Variants in TRAT1 observed in about 807,000 individuals in gnomAD.
TRAT1 encodes the protein T-cell receptor-associated transmembrane adapter 1.
Under a neutral mutation model 20.0 loss-of-function variants are expected in TRAT1, and 20 were observed. The ratio of observed to expected loss-of-function variants is 1.00; its 90% CI spans 0.70 to 1.45. The LOEUF is 1.45. Ranked by LOEUF, TRAT1 falls within the 40% of genes most tolerant of loss-of-function variation. The pLI is 0.00. For missense variants in TRAT1, 237 were observed against 224.1 expected (o/e 1.06, Z -0.37); for synonymous variants, 77 against 74.2 (o/e 1.04, Z -0.20).
chr3:108,853,165 CT>C (rs1262293741), intron 5 of TRAT1, among the ~76,000 whole-genome samples: 1 of 152,152 alleles, frequency 6.6e-6, no homozygotes, highest in Non-Finnish European at 1.5e-5. Context: ...AAACTGGGGA[CT>C]TTTGTGGTAC....
chr3:108,852,690 C>T (rs1946008153), intron 5 of TRAT1, among the ~76,000 whole-genome samples: 1 of 152,156 alleles, frequency 6.6e-6, no homozygotes, highest in Admixed American at 6.5e-5. Flanking sequence ...TATAGTGCTA[C>T]CTTACTTTTG....
rs1946023382 is a variant in TRAT1 at position 108,853,973 on chromosome 3, G to C, written c.*96G>C. On this transcript the variant is annotated 3_prime_UTR_variant, in exon 6 of 6. Coordinates refer to ENST00000295756, the MANE Select transcript of TRAT1 (RefSeq NM_016388.4). ...GGACACAGAAGGACTTGGCAGCAGG[G>C]TGATGACCTGATCATTTGTTGATGG... 1 of 1,176,362 alleles carries C rather than the reference G, an allele frequency of 8.5e-7. No homozygotes were observed. The highest frequency in any genetic ancestry group is 1.2e-6 in the Non-Finnish European group (1 of 814,002). The allele number at this position is 1,176,362 out of a possible 1,614,324, so 72.9% of individuals were successfully genotyped here.
Position 108,853,924 on chromosome 3 carries a change from T to G in TRAT1, c.*47T>G, listed in dbSNP as rs1380931562. The G allele has an allele frequency of 1.9e-6, 3 of 1,589,328 alleles. No homozygotes were observed. The African/African-American group carries it at 4.0e-5, about 21-fold the overall frequency. ...TGATTTGGCTCCTATTGAAGATGGC[T>G]TCTAAGAAAACAAGATGCACAGAGG... On this transcript the variant is annotated 3_prime_UTR_variant, in exon 6 of 6. Transcript: ENST00000295756.
chr3:108,830,678 G>A lies in TRAT1; in HGVS notation c.16G>A (p.Gly6Arg), dbSNP rs1468594673. The A allele has an allele frequency of 6.2e-7, 1 of 1,608,868 alleles. No homozygotes were observed. The highest frequency in any genetic ancestry group is 1.1e-5 in the South Asian group (1 of 90,954). The part of the protein sequence containing the change: MSGIS[G>R]CPFFLWGLLA... ...TTTATTTTAATTTCCAGGAATCTCT[G>A]GGTGCCCCTTTTTCCTCTGGGGACT... Residue 6 changes from glycine to arginine, a missense_variant, in exon 2 of 6, where the codon GGG becomes AGG. Gly to Arg is a moderately radical substitution (Grantham distance 125). Coordinates refer to ENST00000295756, the MANE Select transcript of TRAT1 (RefSeq NM_016388.4).
chr3:108,846,130 C>T (rs1207901963), intron 3 of TRAT1, among the ~76,000 whole-genome samples: 2 of 152,154 alleles, frequency 1.3e-5, no homozygotes, highest in Non-Finnish European at 2.9e-5. Flanking sequence ...GGACTGAGCA[C>T]GGGGCTTTAC....
chr3:108,846,282 T>G (rs1456339629), intron 3 of TRAT1, among the ~76,000 whole-genome samples: 1 of 152,194 alleles, frequency 6.6e-6, no homozygotes, highest in Non-Finnish European at 1.5e-5. Flanking sequence ...TCCTGAGGGT[T>G]GAATGAGCAC....
chr3:108,825,585 A>C (rs1047884812), intron 1 of TRAT1, among the ~76,000 whole-genome samples: 1 of 152,178 alleles, frequency 6.6e-6, no homozygotes, highest in Non-Finnish European at 1.5e-5. Flanking sequence ...TTCTCCATTT[A>C]ATTTAGGTAA....
rs1178637475 is a variant in TRAT1, at chr3:108,854,094, C to T, written c.*217C>T. The stretch of plus-strand genomic sequence containing the variant: ...TTCAAATAACTTAAAAAATGCTTTA[C>T]TACTAAAATGTAAAAAATTAATGTG... On this transcript the variant is annotated 3_prime_UTR_variant, in exon 6 of 6. Transcript: ENST00000295756. 8.7e-6 allele frequency: 4 copies of T among 460,208 alleles called. No homozygotes were observed. The highest frequency in any genetic ancestry group is 1.5e-5 in the Non-Finnish European group (4 of 259,338). The allele number at this position is 460,208 out of a possible 1,614,324, so 28.5% of individuals were successfully genotyped here. A position where few individuals can be genotyped will look rare whatever the true frequency, so the allele number is the denominator to read the frequency against.
intron 1 of TRAT1, 28 bp downstream of exon 1, chr3:108,822,962 C>T (rs1429808793): frequency 6.2e-7 from 1 of 1,604,990 alleles, no homozygotes; most frequent in East Asian, 2.2e-5. Context: ...CTTTTTGTTC[C>T]ATTTGTGTGT....
chr3:108,852,277 A>G, intron 5 of TRAT1, among the ~76,000 whole-genome samples: 1 of 152,136 alleles, frequency 6.6e-6, no homozygotes, highest in South Asian at 2.1e-4. Context: ...GCTACTTGGG[A>G]GGCTGAGGCA....
At chr3:108,824,496 CT>C (rs1945719257) in intron 1 of TRAT1, among the ~76,000 whole-genome samples, 1 of 152,122 alleles carries the variant, frequency 6.6e-6, no homozygotes, top group South Asian at 2.1e-4. Context: ...GATTTTTAAA[CT>C]GTTTATAGCT....
chr3:108,822,970 T>C, intron 1 of TRAT1, 36 bp downstream of exon 1: 1 of 1,600,150 alleles, frequency 6.2e-7, no homozygotes, highest in Non-Finnish European at 8.6e-7. Flanking sequence ...TCCATTTGTG[T>C]GTCTAAAAAT....
chr3:108,844,690 A>G (rs1053306463), intron 3 of TRAT1, among the ~76,000 whole-genome samples: 1 of 151,244 alleles, frequency 6.6e-6, no homozygotes, highest in African/African-American at 2.4e-5. Context: ...TAAAAATACA[A>G]AAAATTAGCT....
intron 5 of TRAT1, among the ~76,000 whole-genome samples, 159 bp downstream of exon 5, chr3:108,849,413 A>C (rs780637568): frequency 6.6e-6 from 1 of 152,246 alleles, no homozygotes; most frequent in Non-Finnish European, 1.5e-5. Flanking sequence ...AACAGAACTC[A>C]AACCATATTC....
At chr3:108,830,512 T>C (rs940995572) in intron 1 of TRAT1, among the ~76,000 whole-genome samples, 158 bp from the exon 2 acceptor site, 11 of 152,206 alleles carry the variant, frequency 7.2e-5, no homozygotes, top group Non-Finnish European at 1.3e-4. Flanking sequence ...ACACCCACTT[T>C]GAAAACTGAA....
At chr3:108,830,530 A>G in intron 1 of TRAT1, 140 bp from the exon 2 acceptor site, 1 of 576,058 alleles carries the variant, frequency 1.7e-6, no homozygotes, top group Middle Eastern at 2.9e-4. Flanking sequence ...GAAAAAAGTT[A>G]TGAATATTAA....
chr3:108,830,803 A>C, intron 2 of TRAT1, 23 bp downstream of exon 2: 2 of 1,472,866 alleles, frequency 1.4e-6, no homozygotes, highest in Non-Finnish European at 1.9e-6. Flanking sequence ...GACAAATTTC[A>C]CATGGTACCT....
rs1945897187 is a variant in TRAT1, at chr3:108,841,581, C to CGCACTGGGTTCTCTGTT, written c.152+2620_152+2636dup. 2.6e-5 allele frequency among the ~76,000 whole-genome samples: 4 copies of CGCACTGGGTTCTCTGTT among 152,198 alleles called. No individual in the cohort carries two copies. In the South Asian group the frequency reaches 8.3e-4, roughly 32 times the overall value. ...ATAGAGAAAGGAAATAAACTTCTATCGCACTGGGTTCTCTGTTGCACTCTC... is the reference window on the plus strand; with the variant it reads ...ATAGAGAAAGGAAATAAACTTCTATCGCACTGGGTTCTCTGTTGCACTGGGTTCTCTGTTGCACTCTC... On this transcript the variant is annotated intron_variant, in intron 3 of 5. Coordinates refer to ENST00000295756, the MANE Select transcript of TRAT1 (RefSeq NM_016388.4).
chr3:108,822,931 T>C lies in TRAT1; in HGVS notation c.4T>C (p.Ser2Pro), dbSNP rs931575786. 2 of 1,611,002 alleles carry C rather than the reference T, an allele frequency of 1.2e-6. No individual in the cohort carries two copies. The highest frequency in any genetic ancestry group is 1.7e-6 in the Non-Finnish European group (2 of 1,177,810). Residue 2 changes from serine (S) to proline (P), a missense_variant, in exon 1 of 6, where the codon TCA becomes CCA. By Grantham distance (74) the Ser-to-Pro change is moderately conservative. Transcript: ENST00000295756. M[S>P]GISGCPFFLW... ...GATTTCTCTGAAAAAAAGAAGCATG[T>C]CAGGTAAGTGGCATTTTAAACTTTT...
Sources: gnomAD v4.1 joint callset for allele counts (sites outside exome capture counted in the v4.1 genomes callset) on GRCh38, gnomAD v4.1.1 for gene constraint, MANE v1.5 for transcripts, NCBI Gene and HGNC (gene_info 2026-07-23, HGNC 2026-07-21) for gene names.